PNPT1: variants seen among roughly 807,000 people sequenced by gnomAD.
PNPT1 encodes polyribonucleotide nucleotidyltransferase 1, mitochondrial.
PNPT1 carries 53 observed loss-of-function variants against 119.5 expected under a neutral mutation model. The ratio of observed to expected loss-of-function variants is 0.44; its 90% confidence interval spans 0.36 to 0.56. The LOEUF (loss-of-function observed/expected upper bound fraction) is 0.56, where lower values mean the gene tolerates loss of function less well. PNPT1 is among the 20% of genes least tolerant of loss of function. PNPT1 has a pLI of 0.00. For synonymous variants in PNPT1, 357 were observed against 322.1 expected, an observed-to-expected ratio of 1.11 and a Z score of -1.16; for missense variants, 948 against 938.5, an observed-to-expected ratio of 1.01 and a Z score of -0.13.
chr2:55,689,801 T>C (rs978233518), intron 1 of PNPT1, among the ~76,000 whole-genome samples: 5 of 152,172 alleles, frequency 3.3e-5, no homozygotes, highest in Non-Finnish European at 5.9e-5. Context: ...CTAATATCCA[T>C]TGAACTGTAC....
At chr2:55,679,510 A>G (rs916557036) in intron 8 of PNPT1, among the ~76,000 whole-genome samples, 172 bp downstream of exon 8, 8 of 152,180 alleles carry the variant, frequency 5.3e-5, no homozygotes, top group Non-Finnish European at 1.2e-4. Context: ...AAATCCTGTA[A>G]TTTTAGGAAT....
At chr2:55,642,482 ACCTGCAGTCCCAGCTAC>A (rs1695861999) in intron 25 of PNPT1, among the ~76,000 whole-genome samples, 1 of 151,604 alleles carries the variant, frequency 6.6e-6, no homozygotes, top group Non-Finnish European at 1.5e-5. Context: ...GGTGGCGGGC[ACCTGCAGTCCCAGCTAC>A]CGGGGAGGAT....
chr2:55,641,488 C>T (rs910186275), intron 25 of PNPT1, among the ~76,000 whole-genome samples: 9 of 150,960 alleles, frequency 6.0e-5, no homozygotes, highest in Non-Finnish European at 8.8e-5. Context: ...AGGCTGGTCT[C>T]GATTTTCCAA....
In PNPT1 at chr2:55,686,869, C is replaced by A. The variant is rs1419387087; in HGVS notation, c.223-425G>T. On this transcript the variant is annotated intron_variant, in intron 2 of 27. Transcript: ENST00000447944. ...ATACGGCTGGGCACGGTCGCTCACA[C>A]TTGTAATTGCAGCACTTTGCGGGGG... 2.0e-5 allele frequency among the ~76,000 whole-genome samples: 3 copies of A among 152,240 alleles called. No individual in the cohort carries two copies. The East Asian group carries it at 5.8e-4, about 29-fold the overall frequency.
At chr2:55,678,107 T>C (rs1353398359) in intron 8 of PNPT1, among the ~76,000 whole-genome samples, 2 of 152,206 alleles carry the variant, frequency 1.3e-5, no homozygotes, top group Non-Finnish European at 2.9e-5. Flanking sequence ...GCTGGGCACT[T>C]TGCAAATCTT....
chr2:55,637,577 C>G lies in PNPT1; in HGVS notation c.2171G>C (p.Gly724Ala), dbSNP rs1379869565. The G allele has an allele frequency of 6.2e-7, 1 of 1,605,588 alleles. No individual in the cohort carries two copies. Among genetic ancestry groups the G allele is most frequent in the African/African-American group, 1.3e-5 (1 of 74,770 alleles). Residue 724 changes from glycine to alanine, a missense_variant, in exon 27 of 28, where the codon GGA becomes GCA. By Grantham distance (60) the Gly-to-Ala change is moderately conservative (BLOSUM62 0). Coordinates refer to ENST00000447944, the MANE Select transcript of PNPT1 (RefSeq NM_033109.5). Reference protein sequence around the residue: ...QRKIKHPTALGLEVGQEIQVK... With the variant: ...QRKIKHPTALALEVGQEIQVK... ...CTGAATTTCTTGGCCAACTTCTAAT[C>G]CTAGGGCAGTAGGATGTTTAATCTG...
At chr2:55,637,463 G>T in intron 27 of PNPT1, 89 bp downstream of exon 27, 1 of 1,203,360 alleles carries the variant, frequency 8.3e-7, no homozygotes, top group Non-Finnish European at 1.2e-6. Context: ...CTTCATAGAT[G>T]GTGACTCTTC....
intron 18 of PNPT1, among the ~76,000 whole-genome samples, chr2:55,651,565 G>A (rs1696204276): frequency 6.6e-6 from 1 of 152,014 alleles, no homozygotes; most frequent in African/African-American, 2.4e-5. Context: ...TTAAACAGAC[G>A]CTTGAAGGCA....
intron 22 of PNPT1, 26 bp downstream of exon 22, chr2:55,645,323 C>A: frequency 6.5e-7 from 1 of 1,537,614 alleles, no homozygotes; most frequent in Non-Finnish European, 9.0e-7. Context: ...CGCGCCCAGC[C>A]GATCACTAAA....
chr2:55,644,583 AC>A, intron 23 of PNPT1, 53 bp downstream of exon 23: 1 of 1,343,460 alleles, frequency 7.4e-7, no homozygotes, highest in Non-Finnish European at 1.0e-6. Context: ...GAAATAGCAA[AC>A]TTTTATGGTC....
Position 55,644,617 on chromosome 2 carries a change from A to G in PNPT1, c.1906+20T>C, listed in dbSNP as rs746115103. ...GTCTAGCATTTAATTAAAAAACCCC[A>G]AACTTCATACAACTCTTACCTGTTT... On this transcript the variant is annotated intron_variant, in intron 23 of 27. Transcript: ENST00000447944. 1 of 1,568,824 alleles carries G rather than the reference A, an allele frequency of 6.4e-7. No homozygotes were observed.
intron 11 of PNPT1, among the ~76,000 whole-genome samples, chr2:55,670,589 T>G (rs1184980594): frequency 6.6e-6 from 1 of 152,214 alleles, no homozygotes; most frequent in Non-Finnish European, 1.5e-5. Flanking sequence ...AAGAATAGCA[T>G]CAGTTAACAT....
chr2:55,655,041 C>CTGAAT, intron 17 of PNPT1, 88 bp from the exon 18 acceptor site: 1 of 1,212,664 alleles, frequency 8.2e-7, no homozygotes, highest in Non-Finnish European at 1.2e-6. Context: ...TATAAATATT[C>CTGAAT]AGTTACAATA....
At position 55,679,784 on chromosome 2, in the gene PNPT1, T is replaced by A; in HGVS notation, c.577A>T (p.Ile193Leu). 6.2e-7 allele frequency: 1 copy of A among 1,604,064 alleles called. No homozygotes were observed. Among genetic ancestry groups the A allele is most frequent in the Non-Finnish European group, 8.5e-7 (1 of 1,172,880 alleles). The change falls in exon 8 of 28, where the codon ATA becomes TTA. Residue 193 changes from isoleucine (I) to leucine (L), a missense_variant. By Grantham distance (5) the Ile-to-Leu change is conservative. Transcript: ENST00000447944. The part of the protein sequence containing the change: ...PWNGPVGAVR[I>L]GIIDGEYVVN... ...ACATATTCTCCATCAATTATTCCTATTCGTACTGCCCCTAAAATGTATTAG... is the reference window on the plus strand; with the variant it reads ...ACATATTCTCCATCAATTATTCCTAATCGTACTGCCCCTAAAATGTATTAG...
intron 25 of PNPT1, among the ~76,000 whole-genome samples, chr2:55,642,838 T>C (rs1490333706): frequency 9.2e-5 from 14 of 151,926 alleles, no homozygotes; most frequent in Admixed American, 9.2e-4. Context: ...AAAACAGGGC[T>C]GGGCACGGTG....
chr2:55,642,928 G>A (rs1032234512), intron 25 of PNPT1, among the ~76,000 whole-genome samples: 3 of 152,132 alleles, frequency 2.0e-5, no homozygotes, highest in African/African-American at 7.2e-5. Flanking sequence ...ACCAACCTGG[G>A]CAACATAGTG....
rs762178389 is a variant in PNPT1 at position 55,656,290 on chromosome 2, C to T, written c.1351+15G>A. 5 of 1,611,028 alleles carry T rather than the reference C, an allele frequency of 3.1e-6. No homozygotes were observed. The highest frequency in any genetic ancestry group is 2.7e-5 in the African/African-American group (2 of 74,682). On this transcript the variant is annotated intron_variant, in intron 16 of 27. Coordinates refer to ENST00000447944, the MANE Select transcript of PNPT1 (RefSeq NM_033109.5). ...CTGTAAGAATACCGTATTAAGTTTACAGACCTGTACTTACCATGCCCAAGT... is the reference window on the plus strand; with the variant it reads ...CTGTAAGAATACCGTATTAAGTTTATAGACCTGTACTTACCATGCCCAAGT...
chr2:55,679,641 A>G, intron 8 of PNPT1, 41 bp downstream of exon 8: 1 of 1,371,576 alleles, frequency 7.3e-7, no homozygotes, highest in Non-Finnish European at 1.0e-6. Context: ...CAGAACTTGT[A>G]AGTAAAATCC....
At position 55,639,742 on chromosome 2, in the gene PNPT1, G is replaced by C. The variant is rs187704741; in HGVS notation, c.2148+885C>G. ...TTTTGCCATATAATTAAAAAATTAT[G>C]GGGTCAAATTTTGTAAGTTTATTTA... is the stretch of plus-strand genomic sequence containing the variant. On this transcript the variant is annotated intron_variant, in intron 26 of 27. Transcript: ENST00000447944. Among the ~76,000 whole-genome samples, 202 of 152,122 alleles carry C rather than the reference G, an allele frequency of 1.3e-3. 1 individual carries two copies. The highest frequency in any genetic ancestry group is 6.2e-4 in the Non-Finnish European group (42 of 67,992).
Sources: allele counts gnomAD v4.1 joint callset (sites outside exome capture counted in the v4.1 genomes callset), GRCh38; gene constraint gnomAD v4.1.1; transcripts MANE v1.5; gene names NCBI Gene and HGNC (gene_info 2026-07-23, HGNC 2026-07-21).